Variants in SPATS2 observed in about 807,000 individuals in gnomAD.
SPATS2 encodes spermatogenesis associated serine rich 2.
In SPATS2, 38 loss-of-function variants were observed where a neutral mutation model predicts 63.7. The ratio of observed to expected loss-of-function variants is 0.60; its 90% CI spans 0.46 to 0.78. The LOEUF (loss-of-function observed/expected upper bound fraction) is 0.78, where lower values mean the gene tolerates loss of function less well. Among genes scored for constraint, SPATS2 ranks in the 30% least tolerant of loss-of-function variants. The pLI, the probability that SPATS2 is intolerant of heterozygous loss-of-function variation, is 0.00. For missense variants in SPATS2, 588 were observed against 666.2 expected (o/e 0.88, Z 1.29); for synonymous variants, 207 against 232.9 (o/e 0.89, Z 1.01).
chr12:49,436,716 G>A (rs1201284312), intron 2 of SPATS2, among the ~76,000 whole-genome samples: 7 of 138,960 alleles, frequency 5.0e-5, no homozygotes, highest in East Asian at 2.3e-4. Flanking sequence ...CGGATGGGGC[G>A]GCTGGCCGGG....
intron 2 of SPATS2, among the ~76,000 whole-genome samples, chr12:49,382,779 A>G (rs577082140): frequency 1.4e-4 from 21 of 152,258 alleles, no homozygotes; most frequent in South Asian, 1.2e-3. Flanking sequence ...ATCTCTGCTC[A>G]CTACAACCTG....
chr12:49,432,525 T>A (rs960147228), intron 2 of SPATS2, among the ~76,000 whole-genome samples: 2 of 152,228 alleles, frequency 1.3e-5, no homozygotes, highest in Non-Finnish European at 2.9e-5. Context: ...TATATTCACA[T>A]TGTTGTATAA....
At chr12:49,426,510 CT>C (rs1166786218) in intron 2 of SPATS2, among the ~76,000 whole-genome samples, 1 of 152,090 alleles carries the variant, frequency 6.6e-6, no homozygotes, top group Non-Finnish European at 1.5e-5. Context: ...GAAATTCATC[CT>C]TGTTGTATCA....
At chr12:49,398,166 G>GA (rs1944546691) in intron 2 of SPATS2, among the ~76,000 whole-genome samples, 1 of 128,772 alleles carries the variant, frequency 7.8e-6, no homozygotes, top group Non-Finnish European at 1.7e-5. Flanking sequence ...AAAAAGAAAA[G>GA]AAAAGAAAAA....
chr12:49,379,528 G>C (rs1199319430), intron 2 of SPATS2, among the ~76,000 whole-genome samples: 1 of 135,122 alleles, frequency 7.4e-6, no homozygotes, highest in Non-Finnish European at 1.6e-5. Flanking sequence ...TCCAGCATGG[G>C]TGACAGAGCG....
intron 9 of SPATS2, among the ~76,000 whole-genome samples, chr12:49,505,048 G>A (rs896165548): frequency 6.6e-6 from 1 of 151,540 alleles, no homozygotes; most frequent in African/African-American, 2.4e-5. Flanking sequence ...ACAGGTGTGA[G>A]CCACCTCGCC....
At chr12:49,448,393 C>A (rs1945555268) in intron 2 of SPATS2, among the ~76,000 whole-genome samples, 1 of 151,994 alleles carries the variant, frequency 6.6e-6, no homozygotes, top group Admixed American at 6.6e-5. Flanking sequence ...CCCGCCTTGG[C>A]CTCCCAAAGT....
chr12:49,507,958 G>A (rs779271114), intron 9 of SPATS2, among the ~76,000 whole-genome samples: 1 of 152,164 alleles, frequency 6.6e-6, no homozygotes, highest in African/African-American at 2.4e-5. Flanking sequence ...TTTATTGTAT[G>A]TCAGAAACTT....
At chr12:49,452,359 A>G (rs1330578781) in intron 2 of SPATS2, among the ~76,000 whole-genome samples, 1 of 152,234 alleles carries the variant, frequency 6.6e-6, no homozygotes, top group Non-Finnish European at 1.5e-5. Flanking sequence ...GGCTGATTGC[A>G]ACCTTGACCT....
intron 2 of SPATS2, among the ~76,000 whole-genome samples, chr12:49,405,338 C>T (rs536741148): frequency 1.3e-5 from 2 of 152,216 alleles, no homozygotes; most frequent in African/African-American, 2.4e-5. Flanking sequence ...AATTCAACAT[C>T]TGTATTCATT....
intron 3 of SPATS2, among the ~76,000 whole-genome samples, chr12:49,468,595 C>A (rs1263865993): frequency 1.3e-5 from 2 of 152,080 alleles, no homozygotes; most frequent in Non-Finnish European, 2.9e-5. Context: ...TCCCATCTCA[C>A]CCCCTCAAGT....
At chr12:49,388,391 C>G (rs893634110) in intron 2 of SPATS2, among the ~76,000 whole-genome samples, 5 of 151,332 alleles carry the variant, frequency 3.3e-5, no homozygotes, top group Non-Finnish European at 5.9e-5. Context: ...TTTTTTTTCC[C>G]CTGACAGGGT....
intron 1 of SPATS2, among the ~76,000 whole-genome samples, chr12:49,370,853 G>A (rs1943985350): frequency 6.6e-6 from 1 of 151,994 alleles, no homozygotes; most frequent in Non-Finnish European, 1.5e-5. Flanking sequence ...TACAATCATG[G>A]CTCACTGTTT....
intron 3 of SPATS2, among the ~76,000 whole-genome samples, chr12:49,478,248 G>C (rs1946151807): frequency 6.6e-6 from 1 of 152,118 alleles, no homozygotes; most frequent in Admixed American, 6.5e-5. Context: ...CAAAGTGCTG[G>C]GATTACAGGT....
rs1241020692 is a variant in SPATS2 at position 49,469,490 on chromosome 12, T to C, written c.25+8453T>C. ...CAGGGGAATCACTCAAGCCTGGGAG[T>C]TTGAGGCCACGGTGAGCTGTGATCC... On this transcript the variant is annotated intron_variant, in intron 3 of 13. Transcript: ENST00000552918. The C allele has an allele frequency of 1.3e-5, 5 of 377,750 alleles. No individual in the cohort carries two copies. In the East Asian group the frequency reaches 2.4e-4, roughly 18 times the overall value. 23.4% of individuals were successfully genotyped at this position (377,750 alleles called of 1,614,324 possible).
At chr12:49,413,911 C>T (rs978361363) in intron 2 of SPATS2, among the ~76,000 whole-genome samples, 2 of 152,166 alleles carry the variant, frequency 1.3e-5, no homozygotes, top group Non-Finnish European at 2.9e-5. Flanking sequence ...CATGGGTCCA[C>T]AGCAATTCTG....
At chr12:49,431,952 G>A (rs1371559310) in intron 2 of SPATS2, among the ~76,000 whole-genome samples, 1 of 152,080 alleles carries the variant, frequency 6.6e-6, no homozygotes, top group Non-Finnish European at 1.5e-5. Flanking sequence ...CTGGGAGGTT[G>A]AGGGTACAGT....
At chr12:49,518,841 A>G (rs1946891451) in intron 10 of SPATS2, among the ~76,000 whole-genome samples, 1 of 152,224 alleles carries the variant, frequency 6.6e-6, no homozygotes, top group South Asian at 2.1e-4. Context: ...GACTGGAAGG[A>G]GAAATAACAA....
chr12:49,408,813 C>T (rs777346363), intron 2 of SPATS2, among the ~76,000 whole-genome samples: 7 of 152,136 alleles, frequency 4.6e-5, no homozygotes, highest in Non-Finnish European at 7.4e-5. Context: ...ACCTCGGCTT[C>T]CCAGAGTTCT....
Sources: allele counts gnomAD v4.1 joint callset (sites outside exome capture counted in the v4.1 genomes callset), GRCh38; gene constraint gnomAD v4.1.1; transcripts MANE v1.5; gene names NCBI Gene and HGNC (gene_info 2026-07-23, HGNC 2026-07-21).